The following HUNK variants were observed in gnomAD, a reference collection of about 807,000 sequenced individuals.
The protein encoded by HUNK is hormonally up-regulated neu tumor-associated kinase.
A neutral mutation model predicts 61.0 loss-of-function variants in HUNK; 21 were observed. The ratio of observed to expected loss-of-function variants is 0.34; its 90% CI spans 0.24 to 0.50. The LOEUF (loss-of-function observed/expected upper bound fraction) is 0.50, where lower values mean the gene tolerates loss of function less well. Ranked by LOEUF, HUNK falls within the 20% of genes least tolerant of loss-of-function variation. The probability of loss-of-function intolerance (pLI) is 0.98; values close to 1 mark genes in which losing one functional copy is unlikely to be tolerated. For synonymous variants in HUNK, 371 were observed against 386.1 expected (o/e 0.96, Z 0.46); for missense variants, 772 against 945.7 (o/e 0.82, Z 2.41).
At position 31,957,710 on chromosome 21, in the gene HUNK, T is replaced by A. The variant is rs75257191; in HGVS notation, c.747-1133T>A. ...AGATCCTCTAAGAAGATGTTTCTAT[T>A]CTGTAGATTGGCTTTGGATAGGTGC... is the stretch of plus-strand genomic sequence containing the variant. On this transcript the variant is annotated intron_variant, in intron 4 of 10. Coordinates refer to ENST00000270112, the MANE Select transcript of HUNK (RefSeq NM_014586.2). Among the ~76,000 whole-genome samples, 1,469 of 152,336 alleles carry A rather than the reference T, an allele frequency of 9.6e-3. 21 individuals are homozygous for A. The highest frequency in any genetic ancestry group is 0.034 in the African/African-American group (1,398 of 41,570).
rs573892563 is a variant in HUNK at position 32,002,817 on chromosome 21, C to G, written c.*3633C>G. On this transcript the variant is annotated 3_prime_UTR_variant, in exon 11 of 11. Transcript: ENST00000270112. ...TCCCCTGGGAAGTGAGGGGACGAAG[C>G]CTTAGAGGGTGACATAGCTAGAAAG... The G allele has an allele frequency of 3.3e-5, 5 of 152,276 alleles. No homozygotes were observed. Among genetic ancestry groups the G allele is most frequent in the African/African-American group, 1.2e-4 (5 of 41,562 alleles). The allele number at this position is 152,276 out of a possible 1,614,324, so 9.4% of individuals were successfully genotyped here.
At chr21:31,941,110 A>G (rs997827612) in intron 3 of HUNK, among the ~76,000 whole-genome samples, 22 of 152,218 alleles carry the variant, frequency 1.4e-4, no homozygotes, top group African/African-American at 4.6e-4. Context: ...GATTACAGTC[A>G]GCTCCCAATT....
chr21:31,961,856 AC>A (rs869180636), intron 5 of HUNK, among the ~76,000 whole-genome samples: 2 of 148,026 alleles, frequency 1.4e-5, no homozygotes, highest in Non-Finnish European at 3.0e-5. Context: ...GAGCTGGAGA[AC>A]TGCTGATCTG....
At chr21:31,886,018 G>A (rs560522774) in intron 1 of HUNK, among the ~76,000 whole-genome samples, 2 of 152,246 alleles carry the variant, frequency 1.3e-5, no homozygotes, top group East Asian at 1.9e-4. Flanking sequence ...GACTATAGAC[G>A]TGAGCCACCA....
intron 1 of HUNK, among the ~76,000 whole-genome samples, chr21:31,896,040 G>A (rs1264662034): frequency 2.0e-5 from 3 of 147,958 alleles, no homozygotes; most frequent in South Asian, 2.2e-4. Context: ...GGACACAGAT[G>A]TGCGCACACA....
intron 4 of HUNK, among the ~76,000 whole-genome samples, chr21:31,948,191 C>A (rs186570016): frequency 6.6e-6 from 1 of 152,216 alleles, no homozygotes. Flanking sequence ...TCCAACGTGG[C>A]GTGTGGGGAC....
chr21:31,934,683 CA>C (rs2052720646), intron 2 of HUNK, among the ~76,000 whole-genome samples: 1 of 152,158 alleles, frequency 6.6e-6, no homozygotes, highest in Admixed American at 6.5e-5. Flanking sequence ...TGGTAGTTCT[CA>C]GTATCTGTTG....
chr21:31,979,784 G>A (rs1201786459), intron 7 of HUNK, among the ~76,000 whole-genome samples: 1 of 151,956 alleles, frequency 6.6e-6, no homozygotes, highest in South Asian at 2.1e-4. Flanking sequence ...CAAAGTGCTG[G>A]GATTACAGGC....
chr21:31,875,869 C>T (rs575919989), intron 1 of HUNK, among the ~76,000 whole-genome samples: 1 of 152,228 alleles, frequency 6.6e-6, no homozygotes, highest in Non-Finnish European at 1.5e-5. Context: ...TTCCCTCCAC[C>T]TTGCTGTGTT....
At chr21:31,901,790 G>C (rs1247668013) in intron 1 of HUNK, among the ~76,000 whole-genome samples, 1 of 152,140 alleles carries the variant, frequency 6.6e-6, no homozygotes, top group Non-Finnish European at 1.5e-5. Context: ...GACAAATTTG[G>C]AGAGTAAGAT....
At chr21:31,926,698 A>G (rs947322522) in intron 2 of HUNK, among the ~76,000 whole-genome samples, 1 of 152,166 alleles carries the variant, frequency 6.6e-6, no homozygotes, top group African/African-American at 2.4e-5. Context: ...TTATGACTGC[A>G]TAATACTCCA....
At chr21:31,881,625 A>G (rs1311361713) in intron 1 of HUNK, among the ~76,000 whole-genome samples, 2 of 152,160 alleles carry the variant, frequency 1.3e-5, no homozygotes, top group Non-Finnish European at 2.9e-5. Flanking sequence ...ACTCCATAAC[A>G]ACAGCAGCAG....
chr21:31,922,090 C>T (rs1231450245), intron 1 of HUNK, among the ~76,000 whole-genome samples: 1 of 151,982 alleles, frequency 6.6e-6, no homozygotes, highest in East Asian at 1.9e-4. Context: ...AATCTCTGCT[C>T]ACTGCAACCT....
At chr21:31,943,894 C>T (rs1253582722) in intron 3 of HUNK, among the ~76,000 whole-genome samples, 2 of 152,222 alleles carry the variant, frequency 1.3e-5, no homozygotes, top group Non-Finnish European at 2.9e-5. Context: ...TTAGAGATAA[C>T]AATTTCCAGG....
chr21:31,902,511 CA>C (rs946582434), intron 1 of HUNK, among the ~76,000 whole-genome samples: 12 of 145,560 alleles, frequency 8.2e-5, no homozygotes, highest in Non-Finnish European at 1.2e-4. Context: ...ACTCTATCTC[CA>C]AAAAAAAAAA....
At chr21:31,908,427 G>A (rs1239415796) in intron 1 of HUNK, among the ~76,000 whole-genome samples, 1 of 152,104 alleles carries the variant, frequency 6.6e-6, no homozygotes, top group Non-Finnish European at 1.5e-5. Flanking sequence ...GGCCAGGGCA[G>A]GGTGGTGGCC....
chr21:31,973,789 A>G (rs2053029746), intron 6 of HUNK, among the ~76,000 whole-genome samples: 1 of 152,192 alleles, frequency 6.6e-6, no homozygotes, highest in South Asian at 2.1e-4. Flanking sequence ...TCATAGGACT[A>G]TCAGGATGAC....
chr21:31,989,899 C>G (rs1401736812), intron 8 of HUNK, among the ~76,000 whole-genome samples: 2 of 151,964 alleles, frequency 1.3e-5, no homozygotes, highest in Non-Finnish European at 2.9e-5. Flanking sequence ...TAGAGCACTC[C>G]TCCATACGGC....
rs117693753 is a variant in HUNK at position 31,986,954 on chromosome 21, C to T, written c.1258-3175C>T. Among the ~76,000 whole-genome samples the T allele has an allele frequency of 7.8e-3, 1,193 of 152,276 alleles. 35 individuals carry two copies. The highest frequency in any genetic ancestry group is 0.061 in the Admixed American group (935 of 15,296). ...TTGGGGTTGTTTGATTAACATCTCT[C>T]CCTCTGGGCTGTGAGTTCCAGAAGA... On this transcript the variant is annotated intron_variant, in intron 8 of 10. Transcript: ENST00000270112.
Sources: gnomAD v4.1 joint callset for allele counts (sites outside exome capture counted in the v4.1 genomes callset) on GRCh38, gnomAD v4.1.1 for gene constraint, MANE v1.5 for transcripts, NCBI Gene and HGNC (gene_info 2026-07-23, HGNC 2026-07-21) for gene names.